CDK14: variants seen among roughly 807,000 people sequenced by gnomAD.
CDK14 encodes cyclin dependent kinase 14.
A neutral mutation model predicts 60.7 loss-of-function variants in CDK14; 34 were observed. The ratio of observed to expected loss-of-function variants is 0.56; its 90% confidence interval spans 0.43 to 0.75. The LOEUF (loss-of-function observed/expected upper bound fraction) is 0.75, where lower values mean the gene tolerates loss of function less well. Among genes scored for constraint, CDK14 ranks in the 30% least tolerant of loss-of-function variants. The pLI, the probability that CDK14 is intolerant of heterozygous loss-of-function variation, is 0.00. For missense variants in CDK14, 482 were observed against 564.1 expected (o/e 0.85, Z 1.47); for synonymous variants, 197 against 203.7 (o/e 0.97, Z 0.28).
At chr7:91,059,241 G>A (rs1224849861) in intron 11 of CDK14, among the ~76,000 whole-genome samples, 11 of 152,194 alleles carry the variant, frequency 7.2e-5, no homozygotes, top group Non-Finnish European at 1.2e-4. Flanking sequence ...CTGTGGGATC[G>A]GTGGTGATAT....
intron 10 of CDK14, among the ~76,000 whole-genome samples, chr7:90,998,879 C>G (rs769202479): frequency 6.6e-6 from 1 of 150,516 alleles, no homozygotes; most frequent in Non-Finnish European, 1.5e-5. Context: ...ACAGAGTGAG[C>G]CTCCATCTCA....
At chr7:90,950,113 CG>C (rs1794210984) in intron 8 of CDK14, among the ~76,000 whole-genome samples, 1 of 152,132 alleles carries the variant, frequency 6.6e-6, no homozygotes, top group South Asian at 2.1e-4. Context: ...TTTTTTGAGA[CG>C]GAGTTTCGCT....
At chr7:91,164,959 C>G (rs1399520568) in intron 14 of CDK14, among the ~76,000 whole-genome samples, 1 of 152,158 alleles carries the variant, frequency 6.6e-6, no homozygotes, top group Non-Finnish European at 1.5e-5. Context: ...GCCACAGATA[C>G]ACATAGAGTG....
In CDK14 at chr7:91,077,949, G is replaced by A. The variant is rs555626720; in HGVS notation, c.1106-1483G>A. On this transcript the variant is annotated intron_variant, in intron 11 of 14. Coordinates refer to ENST00000380050, the MANE Select transcript of CDK14 (RefSeq NM_001287135.2). Reference sequence around the variant, plus strand: ...TAAATGGCCAGAAAGCGTATGAAAAGAAGTCCAAGAATGTTTTATCAAGTG... The same window carrying A: ...TAAATGGCCAGAAAGCGTATGAAAAAAAGTCCAAGAATGTTTTATCAAGTG... Among the ~76,000 whole-genome samples, 380 of 152,282 alleles carry A rather than the reference G, an allele frequency of 2.5e-3. 2 individuals carry two copies. Among genetic ancestry groups the A allele is most frequent in the Non-Finnish European group, 4.3e-3 (293 of 68,010 alleles).
Position 91,061,562 on chromosome 7 carries a change from G to A in CDK14, c.1105+15602G>A, listed in dbSNP as rs193105882. 1.9e-4 allele frequency among the ~76,000 whole-genome samples: 29 copies of A among 152,202 alleles called. No individual in the cohort carries two copies. In the East Asian group the frequency reaches 5.2e-3, roughly 27 times the overall value. ...ACCTTTGGTCTTTGATGACGATGACGTACAGATGGAGTTTTGGTGTGGGTG... is the reference window on the plus strand; with the variant it reads ...ACCTTTGGTCTTTGATGACGATGACATACAGATGGAGTTTTGGTGTGGGTG... On this transcript the variant is annotated intron_variant, in intron 11 of 14. Coordinates refer to ENST00000380050, the MANE Select transcript of CDK14 (RefSeq NM_001287135.2).
In CDK14 at chr7:90,899,315, G is replaced by A; in HGVS notation, c.664G>A (p.Asp222Asn). 2 of 1,602,280 alleles carry A rather than the reference G, an allele frequency of 1.2e-6. No individual in the cohort carries two copies. Among genetic ancestry groups the A allele is most frequent in the Non-Finnish European group, 1.7e-6 (2 of 1,175,116 alleles). Residue 222 changes from aspartate (D) to asparagine (N), a missense_variant, in exon 7 of 15, where the codon GAC becomes AAC. Transcript: ENST00000380050. ...GCACACTGATTTATGTCAGTACATG[G>A]ACAAGCACCCTGGGGGGCTGCATCC... ...YVHTDLCQYM[D>N]KHPGGLHPDN...
At chr7:90,935,685 ATGTATT>A (rs1793731407) in intron 8 of CDK14, among the ~76,000 whole-genome samples, 1 of 152,038 alleles carries the variant, frequency 6.6e-6, no homozygotes, top group African/African-American at 2.4e-5. Context: ...AAGATTTTCC[ATGTATT>A]TGCTTTTACA....
chr7:90,770,694 C>A (rs11763935), intron 4 of CDK14, among the ~76,000 whole-genome samples: 31,138 of 152,092 alleles, frequency 0.2, 3,315 homozygotes, highest in South Asian at 0.24. Flanking sequence ...TTTAAATGTG[C>A]TTTGCTGCCT....
chr7:90,858,007 A>C (rs898967779), intron 5 of CDK14, among the ~76,000 whole-genome samples: 4 of 152,198 alleles, frequency 2.6e-5, no homozygotes, highest in Admixed American at 6.5e-5. Flanking sequence ...TAAAAGCAAG[A>C]GGGCTTGTTT....
chr7:90,910,818 A>G (rs527407572), intron 7 of CDK14, among the ~76,000 whole-genome samples: 1 of 152,032 alleles, frequency 6.6e-6, no homozygotes, highest in African/African-American at 2.4e-5. Context: ...CAGGATGTGC[A>G]GGTTTGTTGC....
intron 14 of CDK14, among the ~76,000 whole-genome samples, chr7:91,173,297 CAATTA>C (rs1358657802): frequency 6.6e-6 from 1 of 152,098 alleles, no homozygotes; most frequent in Non-Finnish European, 1.5e-5. Context: ...GGTACATTCC[CAATTA>C]AAGTCCAGTT....
intron 12 of CDK14, among the ~76,000 whole-genome samples, chr7:91,101,514 A>G (rs1799145156): frequency 6.6e-6 from 1 of 152,232 alleles, no homozygotes; most frequent in Non-Finnish European, 1.5e-5. Flanking sequence ...TTATGTACTA[A>G]AACTACAGCC....
rs1045138004 is a variant in CDK14, at chr7:90,916,949, C to G, written c.703-652C>G. Among the ~76,000 whole-genome samples, 8 of 152,248 alleles carry G rather than the reference C, an allele frequency of 5.3e-5. No individual in the cohort carries two copies. In the East Asian group the frequency reaches 1.4e-3, roughly 26 times the overall value. On this transcript the variant is annotated intron_variant, in intron 7 of 14. Transcript: ENST00000380050. ...GACTTTCCTGTTGTGTTTCCTTTCC[C>G]TTTAGGATGGGTTTGCTCTGAAATT...
intron 4 of CDK14, among the ~76,000 whole-genome samples, chr7:90,789,502 A>G (rs1469102858): frequency 6.6e-6 from 1 of 152,150 alleles, no homozygotes; most frequent in Non-Finnish European, 1.5e-5. Flanking sequence ...GAAAAAAGAC[A>G]TAATATAACA....
chr7:90,619,390 T>G (rs1207194390), intron 2 of CDK14, among the ~76,000 whole-genome samples: 3 of 152,188 alleles, frequency 2.0e-5, no homozygotes, highest in African/African-American at 7.2e-5. Flanking sequence ...ACTCAAAGAT[T>G]ACATTTGAAA....
At chr7:91,199,007 G>A (rs1033685108) in intron 14 of CDK14, among the ~76,000 whole-genome samples, 1 of 152,082 alleles carries the variant, frequency 6.6e-6, no homozygotes, top group Non-Finnish European at 1.5e-5. Flanking sequence ...TGCACACTCT[G>A]GGGAGTGACT....
intron 10 of CDK14, among the ~76,000 whole-genome samples, chr7:90,995,555 A>G (rs1475905750): frequency 6.6e-6 from 1 of 152,244 alleles, no homozygotes; most frequent in Non-Finnish European, 1.5e-5. Flanking sequence ...ATAGAGATAT[A>G]CTAATAGATA....
At chr7:90,767,963 T>C (rs977666506) in intron 4 of CDK14, among the ~76,000 whole-genome samples, 1 of 152,252 alleles carries the variant, frequency 6.6e-6, no homozygotes, top group African/African-American at 2.4e-5. Flanking sequence ...TCATTATCTT[T>C]GTTCTCATGT....
chr7:90,926,971 G>A lies in CDK14; in HGVS notation c.826+9247G>A, dbSNP rs529405528. On this transcript the variant is annotated intron_variant, in intron 8 of 14. Transcript: ENST00000380050. ...CTATAAAGGATACAACTGGGGAACA[G>A]CCAGATGGAAGAGATGCATAGGGCA... Among the ~76,000 whole-genome samples, 3 of 152,240 alleles carry A rather than the reference G, an allele frequency of 2.0e-5. No homozygotes were observed. The South Asian group carries it at 6.2e-4, about 32-fold the overall frequency.
Sources: gnomAD v4.1 joint callset for allele counts (sites outside exome capture counted in the v4.1 genomes callset) on GRCh38, gnomAD v4.1.1 for gene constraint, MANE v1.5 for transcripts, NCBI Gene and HGNC (gene_info 2026-07-23, HGNC 2026-07-21) for gene names.